KHDRBS2: variants seen among roughly 807,000 people sequenced by gnomAD.
KHDRBS2 encodes the protein KH domain-containing, RNA-binding, signal transduction-associated protein 2.
KHDRBS2 carries 26 observed loss-of-function variants against 44.3 expected under a neutral mutation model. The ratio of observed to expected loss-of-function variants is 0.59; its 90% CI spans 0.43 to 0.81. The LOEUF is 0.81. Ranked by LOEUF, KHDRBS2 falls within the 40% of genes least tolerant of loss-of-function variation. KHDRBS2 has a pLI of 0.00. For synonymous variants in KHDRBS2, 194 were observed against 151.1 expected, an observed-to-expected ratio of 1.28 and a Z score of -2.08; for missense variants, 476 against 433.1, an observed-to-expected ratio of 1.10 and a Z score of -0.88.
At chr6:62,193,899 C>G (rs995780395) in intron 1 of KHDRBS2, among the ~76,000 whole-genome samples, 1 of 152,094 alleles carries the variant, frequency 6.6e-6, no homozygotes, top group Non-Finnish European at 1.5e-5. Context: ...CTACTCAAGT[C>G]AGCTGTCAAT....
At chr6:62,087,052 A>G (rs556896827) in intron 2 of KHDRBS2, among the ~76,000 whole-genome samples, 3 of 152,160 alleles carry the variant, frequency 2.0e-5, no homozygotes, top group Non-Finnish European at 4.4e-5. Flanking sequence ...AAAAGAAGGA[A>G]CTATGTAAAT....
chr6:61,652,118 C>T, the KHDRBS2 span: 13 of 152,042 alleles, frequency 8.6e-5, no homozygotes, highest in African/African-American at 3.1e-4. Context: ...TTTCCCTGTT[C>T]CTAATTCTCT....
intron 2 of KHDRBS2, among the ~76,000 whole-genome samples, chr6:62,143,552 A>G (rs1014089837): frequency 1.3e-5 from 2 of 151,954 alleles, no homozygotes. Context: ...TAAGTGTTTG[A>G]ACACTGCCTC....
chr6:62,083,451 T>C (rs923233006), intron 2 of KHDRBS2, among the ~76,000 whole-genome samples: 1 of 152,118 alleles, frequency 6.6e-6, no homozygotes, highest in Non-Finnish European at 1.5e-5. Flanking sequence ...AGGACCCAGG[T>C]GTGGGTGCAG....
chr6:61,812,905 T>C (rs1788353705), intron 6 of KHDRBS2, among the ~76,000 whole-genome samples: 1 of 152,092 alleles, frequency 6.6e-6, no homozygotes, highest in African/African-American at 2.4e-5. Context: ...TTTATATGTA[T>C]ATAGTTGTCT....
At chr6:62,013,873 C>T (rs1312001652) in intron 3 of KHDRBS2, among the ~76,000 whole-genome samples, 6 of 152,206 alleles carry the variant, frequency 3.9e-5, no homozygotes, top group East Asian at 1.9e-4. Flanking sequence ...AATCGCAGAA[C>T]GGTTTAAATA....
At chr6:61,578,271 G>C in the KHDRBS2 span, among the ~76,000 whole-genome samples, 8 of 152,220 alleles carry the variant, frequency 5.3e-5, no homozygotes, top group African/African-American at 1.7e-4. Context: ...ATTTTGTCAG[G>C]TGTTTGTGGT....
chr6:62,200,518 A>G (rs1298019559), intron 1 of KHDRBS2, among the ~76,000 whole-genome samples: 2 of 152,250 alleles, frequency 1.3e-5, no homozygotes, highest in Non-Finnish European at 2.9e-5. Context: ...AGAAATGCAC[A>G]TCAAAACCAC....
intron 3 of KHDRBS2, among the ~76,000 whole-genome samples, chr6:61,979,969 G>A (rs1773501901): frequency 6.6e-6 from 1 of 151,934 alleles, no homozygotes; most frequent in South Asian, 2.1e-4. Flanking sequence ...ATTTCCTAGG[G>A]AACTGAAATA....
intron 4 of KHDRBS2, among the ~76,000 whole-genome samples, chr6:61,951,693 G>A (rs978141988): frequency 1.3e-5 from 2 of 151,976 alleles, no homozygotes; most frequent in East Asian, 3.9e-4. Flanking sequence ...GTAAATTACT[G>A]AACACTCACA....
At chr6:62,250,901 AG>A (rs1836415254) in intron 1 of KHDRBS2, among the ~76,000 whole-genome samples, 1 of 151,984 alleles carries the variant, frequency 6.6e-6, no homozygotes, top group African/African-American at 2.4e-5. Flanking sequence ...TAGATAAAGG[AG>A]GCTAAAGAGA....
chr6:61,586,089 T>C, the KHDRBS2 span, among the ~76,000 whole-genome samples: 2 of 152,182 alleles, frequency 1.3e-5, no homozygotes, highest in Non-Finnish European at 2.9e-5. Flanking sequence ...TGTTTGAACT[T>C]CTAAATCAAG....
At chr6:61,917,188 C>A (rs182223684) in intron 4 of KHDRBS2, among the ~76,000 whole-genome samples, 12 of 151,776 alleles carry the variant, frequency 7.9e-5, no homozygotes, top group Admixed American at 2.0e-4. Flanking sequence ...AACTTGGAAG[C>A]AACCAAGATG....
the KHDRBS2 span, among the ~76,000 whole-genome samples, chr6:61,608,808 T>C: frequency 6.6e-6 from 1 of 152,224 alleles, no homozygotes; most frequent in Non-Finnish European, 1.5e-5. Context: ...ATGGTGTATA[T>C]GTGCCACATT....
At chr6:61,715,733 T>C (rs1771287288) in intron 7 of KHDRBS2, among the ~76,000 whole-genome samples, 2 of 152,014 alleles carry the variant, frequency 1.3e-5, no homozygotes, top group South Asian at 2.1e-4. Flanking sequence ...TTACAAATAG[T>C]CCTCTGTATT....
the KHDRBS2 span, among the ~76,000 whole-genome samples, chr6:61,646,284 G>T: frequency 4.5e-4 from 69 of 152,248 alleles, 1 homozygote; most frequent in African/African-American, 1.4e-3. Flanking sequence ...CAGAGGTATT[G>T]TTTTCTACAA....
At chr6:62,274,958 A>C (rs1467368993) in intron 1 of KHDRBS2, among the ~76,000 whole-genome samples, 1 of 151,258 alleles carries the variant, frequency 6.6e-6, no homozygotes, top group Non-Finnish European at 1.5e-5. Flanking sequence ...TACACATCCC[A>C]ATTAACGTAT....
At chr6:61,703,459 G>A (rs1769003674) in intron 7 of KHDRBS2, among the ~76,000 whole-genome samples, 1 of 151,682 alleles carries the variant, frequency 6.6e-6, no homozygotes, top group South Asian at 2.1e-4. Flanking sequence ...TAGCATTTAA[G>A]GGGGTATTCT....
chr6:62,079,483 C>T (rs1329239186), intron 2 of KHDRBS2, among the ~76,000 whole-genome samples: 2 of 151,982 alleles, frequency 1.3e-5, no homozygotes, highest in African/African-American at 2.4e-5. Flanking sequence ...AATTCTAAGA[C>T]AAATTCAATG....
Sources: allele counts gnomAD v4.1 joint callset (sites outside exome capture counted in the v4.1 genomes callset), GRCh38; gene constraint gnomAD v4.1.1; transcripts MANE v1.5; gene names NCBI Gene and HGNC (gene_info 2026-07-23, HGNC 2026-07-21).